MCHR2: variants seen among roughly 807,000 people sequenced by gnomAD.
MCHR2 encodes the protein melanin-concentrating hormone receptor 2.
In MCHR2, 15 loss-of-function variants were observed where a neutral mutation model predicts 24.8. The observed-to-expected ratio is 0.60, with a 90% CI of 0.40 to 0.93. The LOEUF is 0.93. Among genes scored for constraint, MCHR2 ranks in the 40% least tolerant of loss-of-function variants. MCHR2 has a pLI of 0.00. For synonymous variants in MCHR2, 151 were observed against 147.6 expected (o/e 1.02, Z -0.17); for missense variants, 386 against 408.7 (o/e 0.94, Z 0.48).
chr6:99,937,423 T>C (rs1480606836), intron 4 of MCHR2, among the ~76,000 whole-genome samples: 4 of 152,020 alleles, frequency 2.6e-5, no homozygotes, highest in African/African-American at 9.6e-5. Context: ...AAAGGGATGC[T>C]GAATTTTATT....
intron 2 of MCHR2, among the ~76,000 whole-genome samples, chr6:99,950,594 A>G (rs1262094908): frequency 1.3e-5 from 2 of 152,140 alleles, no homozygotes; most frequent in African/African-American, 2.4e-5. Context: ...ATTTAATCAG[A>G]TGAGAAAATA....
At chr6:99,974,638 G>A (rs1775510070) in intron 1 of MCHR2, among the ~76,000 whole-genome samples, 1 of 152,206 alleles carries the variant, frequency 6.6e-6, no homozygotes, top group Non-Finnish European at 1.5e-5. Context: ...GAGGCGCTCT[G>A]CTTTTTAGAG....
intron 1 of MCHR2, among the ~76,000 whole-genome samples, chr6:99,980,765 G>A (rs774871018): frequency 5.9e-5 from 9 of 152,238 alleles, no homozygotes; most frequent in Non-Finnish European, 1.3e-4. Context: ...GTATTTAATA[G>A]CAATGAGAAT....
At chr6:99,950,239 C>T (rs1774942267) in intron 2 of MCHR2, among the ~76,000 whole-genome samples, 3 of 152,044 alleles carry the variant, frequency 2.0e-5, no homozygotes. Context: ...ATATGAATAA[C>T]ACATTATATT....
chr6:99,977,117 G>A (rs9389928), intron 1 of MCHR2, among the ~76,000 whole-genome samples: 62,382 of 152,056 alleles, frequency 0.41, 13,415 homozygotes, highest in East Asian at 0.75. Flanking sequence ...AGTCTGACAT[G>A]TTATCCTACT....
chr6:99,989,589 G>A (rs1036787617), intron 1 of MCHR2, among the ~76,000 whole-genome samples: 5 of 152,214 alleles, frequency 3.3e-5, no homozygotes, highest in Middle Eastern at 6.8e-3. Context: ...CTGAGAAGAC[G>A]ATGGGAACAA....
chr6:99,947,098 C>T (rs1055762599), intron 3 of MCHR2, among the ~76,000 whole-genome samples: 4 of 152,098 alleles, frequency 2.6e-5, no homozygotes, highest in African/African-American at 9.7e-5. Flanking sequence ...ATAACATTAG[C>T]TTACATGGAT....
intron 1 of MCHR2, among the ~76,000 whole-genome samples, chr6:99,978,416 G>C (rs1219689409): frequency 4.2e-5 from 5 of 119,228 alleles, no homozygotes; most frequent in Non-Finnish European, 8.3e-5. Context: ...GGGAGGTCAA[G>C]ACAGTTTTTT....
At chr6:99,980,351 C>T (rs1284139409) in intron 1 of MCHR2, among the ~76,000 whole-genome samples, 1 of 152,088 alleles carries the variant, frequency 6.6e-6, no homozygotes. Flanking sequence ...ATCTGGTTGC[C>T]AGGTCAGGGC....
chr6:99,938,566 A>T (rs1774711284), intron 4 of MCHR2, among the ~76,000 whole-genome samples: 1 of 152,106 alleles, frequency 6.6e-6, no homozygotes, highest in South Asian at 2.1e-4. Flanking sequence ...TACTTGCTAT[A>T]ACTTCTACTT....
chr6:99,931,609 G>A (rs899754689), intron 5 of MCHR2, among the ~76,000 whole-genome samples: 1 of 152,120 alleles, frequency 6.6e-6, no homozygotes, highest in Admixed American at 6.5e-5. Context: ...CTAGCAATTA[G>A]CGAGACTCTG....
intron 3 of MCHR2, among the ~76,000 whole-genome samples, chr6:99,946,620 A>G (rs1774875616): frequency 6.6e-6 from 1 of 152,142 alleles, no homozygotes. Context: ...CATTTATGAT[A>G]TATTGGTGGA....
At chr6:99,943,187 C>G in intron 3 of MCHR2, 44 bp from the exon 4 acceptor site, 1 of 1,501,226 alleles carries the variant, frequency 6.7e-7, no homozygotes, top group Non-Finnish European at 9.1e-7. Flanking sequence ...TCAATAAAAG[C>G]ACTGAGCTCC....
At chr6:99,934,663 T>C in intron 4 of MCHR2, 146 bp from the exon 5 acceptor site, 1 of 686,724 alleles carries the variant, frequency 1.5e-6, no homozygotes, top group Non-Finnish European at 2.2e-6. Context: ...AAGCTCAAGA[T>C]CTTTGGTTGC....
chr6:99,953,485 ACT>A (rs1343988879), intron 2 of MCHR2, among the ~76,000 whole-genome samples: 1 of 151,902 alleles, frequency 6.6e-6, no homozygotes, highest in African/African-American at 2.4e-5. Context: ...GTGGCTATTA[ACT>A]CTCTACTCAG....
intron 2 of MCHR2, among the ~76,000 whole-genome samples, chr6:99,950,697 C>G (rs984132837): frequency 6.6e-6 from 1 of 152,050 alleles, no homozygotes; most frequent in African/African-American, 2.4e-5. Context: ...AAAAAATTTG[C>G]AGGAACAATA....
At chr6:99,931,680 G>C (rs991892914) in intron 5 of MCHR2, among the ~76,000 whole-genome samples, 1 of 152,144 alleles carries the variant, frequency 6.6e-6, no homozygotes, top group Non-Finnish European at 1.5e-5. Context: ...CGTCTCCTAA[G>C]CCCGTCGGAA....
At chr6:99,991,670 G>A (rs919115443) in intron 1 of MCHR2, among the ~76,000 whole-genome samples, 1 of 152,052 alleles carries the variant, frequency 6.6e-6, no homozygotes, top group East Asian at 1.9e-4. Flanking sequence ...AGCTGGGCAT[G>A]GTGGTGGGCG....
intron 5 of MCHR2, among the ~76,000 whole-genome samples, chr6:99,923,038 C>A (rs1774271686): frequency 6.6e-6 from 1 of 151,934 alleles, no homozygotes; most frequent in Admixed American, 6.6e-5. Context: ...GAATATCTTT[C>A]CATTTTTTGG....
Sources: allele counts gnomAD v4.1 joint callset (sites outside exome capture counted in the v4.1 genomes callset), GRCh38; gene constraint gnomAD v4.1.1; transcripts MANE v1.5; gene names NCBI Gene and HGNC (gene_info 2026-07-23, HGNC 2026-07-21).